Variants in NRG3 observed in about 807,000 individuals in gnomAD.
NRG3 encodes neuregulin 3.
NRG3 carries 31 observed loss-of-function variants against 66.9 expected under a neutral mutation model. The ratio of observed to expected loss-of-function variants is 0.46; its 90% confidence interval spans 0.35 to 0.63. The LOEUF is 0.63. Ranked by LOEUF, NRG3 falls within the 20% of genes least tolerant of loss-of-function variation. The pLI is 0.00. For missense variants in NRG3, 910 were observed against 878.9 expected (o/e 1.04, Z -0.45); for synonymous variants, 393 against 359.4 (o/e 1.09, Z -1.06).
In NRG3 at chr10:82,170,654, G is replaced by GTGTATATATATATA. The variant is rs1554839695; in HGVS notation, c.824-188084_824-188083insGTATATATATATAT. Among the ~76,000 whole-genome samples the GTGTATATATATATA allele has an allele frequency of 5.4e-4, 40 of 74,194 alleles. 1 individual carries two copies. The highest frequency in any genetic ancestry group is 1.0e-3 in the Non-Finnish European group (33 of 32,618). The allele number at this position is 74,194 out of a possible 152,430, so 48.7% of individuals were successfully genotyped here. A position where few individuals can be genotyped will look rare whatever the true frequency, so the allele number is the denominator to read the frequency against. ...TGAGATGATGTTTATAAAACTTGTG[G>GTGTATATATATATA]TATATATATATATATATATATATAT... On this transcript the variant is annotated intron_variant, in intron 1 of 8. Transcript: ENST00000372141.
chr10:82,202,462 G>A lies in NRG3; in HGVS notation c.824-156277G>A, dbSNP rs182273971. On this transcript the variant is annotated intron_variant, in intron 1 of 8. Coordinates refer to ENST00000372141, the MANE Select transcript of NRG3 (RefSeq NM_001010848.4). ...AAAGTCCAAAGCGTGCGTAAGAGTC[G>A]TTGCCACTTTTGAGAGAATAAGTCT... 2.8e-4 allele frequency among the ~76,000 whole-genome samples: 42 copies of A among 152,272 alleles called. No individual in the cohort carries two copies. In the East Asian group the frequency reaches 4.2e-3, roughly 15 times the overall value.
intron 2 of NRG3, among the ~76,000 whole-genome samples, chr10:82,726,166 A>G (rs1288732456): frequency 6.6e-6 from 1 of 152,288 alleles, no homozygotes; most frequent in African/African-American, 2.4e-5. Context: ...TTGGGAAAAT[A>G]AATATCTGTT....
At chr10:82,318,687 C>T (rs2081413136) in intron 1 of NRG3, among the ~76,000 whole-genome samples, 1 of 152,200 alleles carries the variant, frequency 6.6e-6, no homozygotes, top group South Asian at 2.1e-4. Flanking sequence ...TTTGAAGACT[C>T]AGCTCATATG....
chr10:82,280,070 T>A (rs1310283012), intron 1 of NRG3, among the ~76,000 whole-genome samples: 1 of 152,148 alleles, frequency 6.6e-6, no homozygotes, highest in African/African-American at 2.4e-5. Flanking sequence ...TGATTAACAG[T>A]TGAGGCAGTT....
At chr10:82,917,121 G>C (rs1220970036) in intron 4 of NRG3, among the ~76,000 whole-genome samples, 1 of 152,170 alleles carries the variant, frequency 6.6e-6, no homozygotes, top group Non-Finnish European at 1.5e-5. Flanking sequence ...AGCTTTAAAA[G>C]ACTTTGTCAG....
chr10:82,213,556 C>A (rs750250836), intron 1 of NRG3, among the ~76,000 whole-genome samples: 8 of 152,108 alleles, frequency 5.3e-5, no homozygotes, highest in Non-Finnish European at 1.0e-4. Flanking sequence ...CACTTGTACT[C>A]TGAAGCATGT....
At chr10:82,841,872 T>C (rs1027711086) in intron 3 of NRG3, among the ~76,000 whole-genome samples, 2 of 152,188 alleles carry the variant, frequency 1.3e-5, no homozygotes, top group African/African-American at 4.8e-5. Flanking sequence ...CAAAAGTTTA[T>C]TTCTTTCTCT....
intron 2 of NRG3, among the ~76,000 whole-genome samples, chr10:82,390,864 C>A (rs932983091): frequency 3.9e-5 from 6 of 152,148 alleles, no homozygotes; most frequent in Non-Finnish European, 5.9e-5. Context: ...AGCCTGTAGA[C>A]ACACTTGTGC....
chr10:82,739,914 T>G (rs896793592), intron 3 of NRG3, among the ~76,000 whole-genome samples: 4 of 152,322 alleles, frequency 2.6e-5, no homozygotes, highest in Admixed American at 2.6e-4. Context: ...TCTGAAAGGG[T>G]ATTCATGGTT....
chr10:82,974,136 A>G (rs542399579), intron 7 of NRG3, among the ~76,000 whole-genome samples: 8 of 152,256 alleles, frequency 5.3e-5, no homozygotes, highest in Admixed American at 2.0e-4. Context: ...TGATAGAACT[A>G]TAGATAACAC....
intron 1 of NRG3, among the ~76,000 whole-genome samples, chr10:82,027,729 C>A (rs982307151): frequency 6.6e-6 from 1 of 152,008 alleles, no homozygotes; most frequent in African/African-American, 2.4e-5. Context: ...TGCTTTGGAG[C>A]CCATGGGTAG....
In NRG3 at chr10:82,251,060, C is replaced by T. The variant is rs558546897; in HGVS notation, c.824-107679C>T. On this transcript the variant is annotated intron_variant, in intron 1 of 8. Transcript: ENST00000372141. ...ACACAAATCTGAATTCCTGGGCTCT[C>T]TTGAAATACCTGAAAATCTGACGAC... is the stretch of plus-strand genomic sequence containing the variant. Among the ~76,000 whole-genome samples the T allele has an allele frequency of 2.0e-5, 3 of 152,316 alleles. No homozygotes were observed. The South Asian group carries it at 6.2e-4, about 32-fold the overall frequency.
At position 82,398,266 on chromosome 10, in the gene NRG3, TG is replaced by T. The variant is rs775247033; in HGVS notation, c.953+39399del. Among the ~76,000 whole-genome samples, 179 of 152,258 alleles carry T rather than the reference TG, an allele frequency of 1.2e-3. 2 individuals carry two copies. Among genetic ancestry groups the T allele is most frequent in the Non-Finnish European group, 2.1e-3 (142 of 68,018 alleles). On this transcript the variant is annotated intron_variant, in intron 2 of 8. Transcript: ENST00000372141. ...ACCAAATAGGAGCTAACAGGTCAGC[TG>T]TGGACAGCAAGAGAAAGAGAGAGGT...
chr10:82,894,102 AT>A (rs1052688385), intron 4 of NRG3, among the ~76,000 whole-genome samples: 6 of 152,214 alleles, frequency 3.9e-5, no homozygotes, highest in African/African-American at 1.4e-4. Flanking sequence ...ACATCCCAAA[AT>A]TTATTTTAAA....
At chr10:82,627,004 T>A (rs78213259) in intron 2 of NRG3, among the ~76,000 whole-genome samples, 2 of 82,562 alleles carry the variant, frequency 2.4e-5, no homozygotes, top group Middle Eastern at 9.3e-3. Flanking sequence ...TATTTAGCTA[T>A]TTTTTTTTTT....
intron 3 of NRG3, among the ~76,000 whole-genome samples, chr10:82,805,763 C>A (rs147780140): frequency 1.5e-3 from 221 of 152,264 alleles, no homozygotes; most frequent in African/African-American, 5.2e-3. Context: ...GGCTAAGCAA[C>A]CTGAGCCTCT....
At chr10:82,338,512 A>G in intron 1 of NRG3, among the ~76,000 whole-genome samples, 1 of 152,238 alleles carries the variant, frequency 6.6e-6, no homozygotes, top group African/African-American at 2.4e-5. Flanking sequence ...TATTATCTGA[A>G]CTGATTTCCT....
chr10:82,260,326 G>T (rs569337919), intron 1 of NRG3, among the ~76,000 whole-genome samples: 25 of 152,310 alleles, frequency 1.6e-4, no homozygotes, highest in African/African-American at 4.8e-5. Flanking sequence ...AGCTAGAGTT[G>T]TAAGTGCAGC....
chr10:82,868,763 G>T (rs952458749), intron 4 of NRG3, among the ~76,000 whole-genome samples: 1 of 152,070 alleles, frequency 6.6e-6, no homozygotes, highest in Non-Finnish European at 1.5e-5. Context: ...CACAATCTTG[G>T]CTCATTGCAA....
Sources: allele counts gnomAD v4.1 joint callset (sites outside exome capture counted in the v4.1 genomes callset), GRCh38; gene constraint gnomAD v4.1.1; transcripts MANE v1.5; gene names NCBI Gene and HGNC (gene_info 2026-07-23, HGNC 2026-07-21).